Variants in PRPF18 observed in about 807,000 individuals in gnomAD.
PRPF18 encodes pre-mRNA processing factor 18.
PRPF18 carries 38 observed loss-of-function variants against 46.5 expected under a neutral mutation model. The observed-to-expected ratio is 0.82, with a 90% CI of 0.63 to 1.07. PRPF18 has a LOEUF of 1.07. Among genes scored for constraint, PRPF18 ranks in the 50% least tolerant of loss-of-function variants. PRPF18 has a pLI of 0.00. For missense variants in PRPF18, 263 were observed against 410.0 expected (o/e 0.64, Z 3.10); for synonymous variants, 152 against 146.7 (o/e 1.04, Z -0.26).
At chr10:13,612,435 TTTTATTTA>T (rs942351956) in intron 6 of PRPF18, among the ~76,000 whole-genome samples, 3 of 151,602 alleles carry the variant, frequency 2.0e-5, no homozygotes, top group Admixed American at 6.6e-5. Context: ...TTTTTGTATT[TTTTATTTA>T]TTTATTTATT....
chr10:13,604,088 G>T (rs1237059929), intron 3 of PRPF18, among the ~76,000 whole-genome samples: 4 of 152,192 alleles, frequency 2.6e-5, no homozygotes, highest in Non-Finnish European at 5.9e-5. Flanking sequence ...ACGAAGAAAT[G>T]TGATTCCTGC....
chr10:13,631,158 A>G (rs1343338740), downstream of PRPF18: 2 of 152,334 alleles, frequency 1.3e-5, no homozygotes, highest in East Asian at 3.9e-4. Context: ...CAGAGGAGGA[A>G]GGTGCTGGTA....
intron 1 of PRPF18, among the ~76,000 whole-genome samples, chr10:13,595,527 G>A (rs1385399966): frequency 6.6e-6 from 1 of 152,202 alleles, no homozygotes; most frequent in African/African-American, 2.4e-5. Context: ...GTGAAGAACT[G>A]TAGCTTGGAA....
At position 13,613,905 on chromosome 10, in the gene PRPF18, T is replaced by G. The variant is rs761270026; in HGVS notation, c.720+24T>G. ...GGGTGAGGTTTCTTGGAAAATACTT[T>G]TTTTAACTGACTTTAAAAATACAGT... is the stretch of plus-strand genomic sequence containing the variant. On this transcript the variant is annotated intron_variant, in intron 7 of 9. Coordinates refer to ENST00000378572, the MANE Select transcript of PRPF18 (RefSeq NM_003675.4). 2.5e-6 allele frequency: 4 copies of G among 1,594,846 alleles called. No homozygotes were observed. The South Asian group carries it at 3.4e-5, about 14-fold the overall frequency.
chr10:13,645,995 T>G, the PRPF18 span: 1 of 152,592 alleles, frequency 6.6e-6, no homozygotes, highest in South Asian at 2.1e-4. Flanking sequence ...AAAGCAGCTT[T>G]GAGTCTTGGG....
the PRPF18 span, chr10:13,647,017 A>G: frequency 8.2e-6 from 8 of 972,992 alleles, no homozygotes; most frequent in Non-Finnish European, 9.8e-6. Flanking sequence ...AATCCAGGAA[A>G]CAGCTATCAT....
chr10:13,643,253 A>C, the PRPF18 span: 1 of 152,216 alleles, frequency 6.6e-6, no homozygotes, highest in African/African-American at 2.4e-5. Context: ...GGAATGAGGG[A>C]CAACATGGAG....
At chr10:13,628,792 A>G (rs2080548499) in intron 9 of PRPF18, among the ~76,000 whole-genome samples, 1 of 152,188 alleles carries the variant, frequency 6.6e-6, no homozygotes, top group Non-Finnish European at 1.5e-5. Context: ...TTCCTTGTAA[A>G]CAAGGAAATG....
chr10:13,636,066 A>C, the PRPF18 span, among the ~76,000 whole-genome samples: 1 of 152,220 alleles, frequency 6.6e-6, no homozygotes, highest in East Asian at 1.9e-4. Context: ...CTGGTTGCAC[A>C]TTGTTGGATA....
chr10:13,619,559 C>T (rs2080394424), intron 9 of PRPF18, among the ~76,000 whole-genome samples: 1 of 152,194 alleles, frequency 6.6e-6, no homozygotes, highest in Non-Finnish European at 1.5e-5. Context: ...CAAGTTTCAA[C>T]TCATGCGCCC....
At chr10:13,637,409 A>G in the PRPF18 span, among the ~76,000 whole-genome samples, 1 of 151,996 alleles carries the variant, frequency 6.6e-6, no homozygotes, top group African/African-American at 2.4e-5. Flanking sequence ...TTTAATTTGC[A>G]TTTCTCTAAT....
chr10:13,642,598 G>A, the PRPF18 span: 1 of 152,224 alleles, frequency 6.6e-6, no homozygotes, highest in Non-Finnish European at 1.5e-5. Context: ...GAAGCAGTGG[G>A]AAAGAAATGG....
the PRPF18 span, chr10:13,652,831 T>C: frequency 2.0e-4 from 31 of 152,356 alleles, no homozygotes; most frequent in African/African-American, 7.2e-4. Context: ...GTTTTGGATT[T>C]TTTTTGTGTT....
chr10:13,593,472 G>A (rs1190244730), intron 1 of PRPF18, among the ~76,000 whole-genome samples: 1 of 152,178 alleles, frequency 6.6e-6, no homozygotes, highest in African/African-American at 2.4e-5. Context: ...ACATGCTGTG[G>A]GGCTGCAAAG....
At chr10:13,613,235 G>T (rs2133746507) in intron 6 of PRPF18, among the ~76,000 whole-genome samples, 1 of 151,658 alleles carries the variant, frequency 6.6e-6, no homozygotes, top group East Asian at 1.9e-4. Context: ...GGGCACTGAG[G>T]TAGTTATCTA....
intron 1 of PRPF18, chr10:13,592,350 C>A: frequency 3.5e-6 from 1 of 283,652 alleles, no homozygotes; most frequent in South Asian, 4.7e-5. Flanking sequence ...GAGCAAGTCC[C>A]TTTGTTTTAA....
chr10:13,591,290 A>T lies in PRPF18; in HGVS notation c.66+4138A>T, dbSNP rs11258458. Among the ~76,000 whole-genome samples, 6 of 152,298 alleles carry T rather than the reference A, an allele frequency of 3.9e-5. No homozygotes were observed. The East Asian group carries it at 1.2e-3, about 29-fold the overall frequency. On this transcript the variant is annotated intron_variant, in intron 1 of 9. Transcript: ENST00000378572. ...CACAGTGTCTGTCAGTAACTTACAGACTTTTTCACTGCCCCGTTCATAGCA... is the reference window on the plus strand; with the variant it reads ...CACAGTGTCTGTCAGTAACTTACAGTCTTTTTCACTGCCCCGTTCATAGCA...
At chr10:13,606,217 T>A (rs1258297797) in intron 4 of PRPF18, among the ~76,000 whole-genome samples, 1 of 152,202 alleles carries the variant, frequency 6.6e-6, no homozygotes, top group Non-Finnish European at 1.5e-5. Flanking sequence ...CCTCATCCCT[T>A]CCTGGGCAGC....
intron 1 of PRPF18, among the ~76,000 whole-genome samples, chr10:13,596,269 T>C (rs2080033911): frequency 6.6e-6 from 1 of 152,242 alleles, no homozygotes; most frequent in South Asian, 2.1e-4. Context: ...TTAATTCCTC[T>C]CTTCCCTACA....
Sources: allele counts gnomAD v4.1 joint callset (sites outside exome capture counted in the v4.1 genomes callset), GRCh38; gene constraint gnomAD v4.1.1; transcripts MANE v1.5; gene names NCBI Gene and HGNC (gene_info 2026-07-23, HGNC 2026-07-21).